Variants in KCNK17 observed in about 807,000 individuals in gnomAD.
KCNK17 encodes potassium channel subfamily K member 17.
KCNK17 carries 27 observed loss-of-function variants against 24.6 expected under a neutral mutation model. The ratio of observed to expected loss-of-function variants is 1.10; its 90% CI spans 0.81 to 1.51. The LOEUF (loss-of-function observed/expected upper bound fraction) is 1.51. KCNK17 is among the 40% of genes most tolerant of loss of function. The pLI, the probability that KCNK17 is intolerant of heterozygous loss-of-function variation, is 0.00. For synonymous variants in KCNK17, 181 were observed against 189.8 expected, an observed-to-expected ratio of 0.95 and a Z score of 0.38; for missense variants, 450 against 436.6, an observed-to-expected ratio of 1.03 and a Z score of -0.27.
At chr6:39,306,812 T>C (rs1762046304) in intron 2 of KCNK17, among the ~76,000 whole-genome samples, 1 of 150,186 alleles carries the variant, frequency 6.7e-6, no homozygotes, top group Non-Finnish European at 1.5e-5. Flanking sequence ...GTGGCCAGGC[T>C]GGAGTGCAGT....
At position 39,304,559 on chromosome 6, in the gene KCNK17, C is replaced by T. The variant is rs779474698; in HGVS notation, c.449G>A (p.Arg150Gln). Residue 150 changes from arginine (R) to glutamine (Q), a missense_variant, in exon 3 of 5, where the codon CGA (arginine) becomes CAA (glutamine). Coordinates refer to ENST00000373231, the MANE Select transcript of KCNK17 (RefSeq NM_031460.4). ...TCCCTGCTGCATGAGATGCCCCAGTCGGTTGAGCACCACGAGGTTGAGTGG... is the reference window on the plus strand; with the variant it reads ...TCCCTGCTGCATGAGATGCCCCAGTTGGTTGAGCACCACGAGGTTGAGTGG... ...GIPLNLVVLNRLGHLMQQGVN... is the reference protein window; with the variant it reads ...GIPLNLVVLNQLGHLMQQGVN... 3.3e-5 allele frequency: 53 copies of T among 1,614,116 alleles called. No individual in the cohort carries two copies. The East Asian group carries it at 7.8e-4, about 24-fold the overall frequency.
Position 39,305,643 on chromosome 6 carries a change from T to TA in KCNK17, c.353-989dup, listed in dbSNP as rs1762022844. 2.0e-5 allele frequency among the ~76,000 whole-genome samples: 3 copies of TA among 152,212 alleles called. No homozygotes were observed. The South Asian group carries it at 6.2e-4, about 31-fold the overall frequency. On this transcript the variant is annotated intron_variant, in intron 2 of 4. Coordinates refer to ENST00000373231, the MANE Select transcript of KCNK17 (RefSeq NM_031460.4). ...GATCACCACCACTGTCTTGTCTTAT[T>TA]AAAATGCAAAACTGATTAGATCATC... is the stretch of plus-strand genomic sequence containing the variant.
intron 2 of KCNK17, among the ~76,000 whole-genome samples, chr6:39,308,286 G>T (rs751794445): frequency 5.9e-5 from 9 of 152,182 alleles, no homozygotes; most frequent in Non-Finnish European, 1.3e-4. Flanking sequence ...GTATGTATGT[G>T]TGTATGTATG....
At chr6:39,302,414 A>G (rs1761963984) in intron 4 of KCNK17, among the ~76,000 whole-genome samples, 1 of 152,136 alleles carries the variant, frequency 6.6e-6, no homozygotes, top group Non-Finnish European at 1.5e-5. Flanking sequence ...ACTATGGGAA[A>G]ACAATGAAGT....
At position 39,299,531 on chromosome 6, in the gene KCNK17, C is replaced by T. The variant is rs1235855545; in HGVS notation, c.895G>A (p.Glu299Lys). 15 of 1,614,190 alleles carry T rather than the reference C, an allele frequency of 9.3e-6. No individual in the cohort carries two copies. The highest frequency in any genetic ancestry group is 1.6e-4 in the Middle Eastern group (1 of 6,062). ...CATCCTTGCTGTGGGGAGTGGGACT[C>T]TGGCTCCCGGTCAGGTCCCTGTCTC... ...SWRQGPDREP[E>K]SHSPQQGCYP... The change falls in exon 5 of 5, where the codon GAG (glutamate) becomes AAG (lysine). Residue 299 changes from glutamate (E) to lysine (K), a missense_variant. Physicochemically the swap from Glu to Lys is moderately conservative, Grantham distance 56. Transcript: ENST00000373231.
chr6:39,310,131 A>G (rs551704671), intron 2 of KCNK17, among the ~76,000 whole-genome samples: 3 of 152,140 alleles, frequency 2.0e-5, no homozygotes, highest in South Asian at 4.1e-4. Context: ...CCTGGTGGCA[A>G]GTCCTGTGTC....
chr6:39,304,800 T>C (rs1762008504), intron 2 of KCNK17, 145 bp from the exon 3 acceptor site: 7 of 831,434 alleles, frequency 8.4e-6, no homozygotes, highest in Non-Finnish European at 1.3e-5. Context: ...AAGGCCCTCC[T>C]TTTCTGTGCT....
At chr6:39,303,611 G>T (rs1761980434) in intron 4 of KCNK17, among the ~76,000 whole-genome samples, 1 of 152,212 alleles carries the variant, frequency 6.6e-6, no homozygotes. Flanking sequence ...CAGCCCCAGA[G>T]AAGTGGGACA....
chr6:39,302,440 G>C (rs1392710433), intron 4 of KCNK17, among the ~76,000 whole-genome samples: 1 of 152,158 alleles, frequency 6.6e-6, no homozygotes, highest in Non-Finnish European at 1.5e-5. Context: ...AGAGGAGCTG[G>C]GCAGGTGACA....
At chr6:39,301,832 G>A (rs1238101607) in intron 4 of KCNK17, among the ~76,000 whole-genome samples, 1 of 152,208 alleles carries the variant, frequency 6.6e-6, no homozygotes, top group African/African-American at 2.4e-5. Context: ...ATGCAGGGAT[G>A]TGAACACCCA....
At chr6:39,311,127 C>A in intron 1 of KCNK17, 120 bp from the exon 2 acceptor site, 2 of 599,394 alleles carry the variant, frequency 3.3e-6, no homozygotes, top group Non-Finnish European at 5.9e-6. Context: ...CACAAACAAA[C>A]CTACACACAC....
At chr6:39,307,354 C>A (rs1225994103) in intron 2 of KCNK17, among the ~76,000 whole-genome samples, 1 of 152,188 alleles carries the variant, frequency 6.6e-6, no homozygotes, top group Non-Finnish European at 1.5e-5. Context: ...TCTACCTCCC[C>A]CTCTGGCCTT....
At position 39,299,373 on chromosome 6, in the gene KCNK17, G is replaced by A; in HGVS notation, c.*54C>T. On this transcript the variant is annotated 3_prime_UTR_variant, in exon 5 of 5. Transcript: ENST00000373231. ...TTTAGTTTGGGTGGACATGTGCAAA[G>A]CTTAAAATCAGGGGTCTTGCTACCG... 2.8e-6 allele frequency: 4 copies of A among 1,412,118 alleles called. No individual in the cohort carries two copies. The highest frequency in any genetic ancestry group is 3.9e-6 in the Non-Finnish European group (4 of 1,022,558). The allele number at this position is 1,412,118 out of a possible 1,614,324, so 87.5% of individuals were successfully genotyped here. A position where few individuals can be genotyped will look rare whatever the true frequency, so the allele number is the denominator to read the frequency against.
At chr6:39,308,763 T>C (rs1562083308) in intron 2 of KCNK17, among the ~76,000 whole-genome samples, 1 of 152,198 alleles carries the variant, frequency 6.6e-6, no homozygotes, top group Non-Finnish European at 1.5e-5. Context: ...CCCAGGGTAA[T>C]GGGTTTGCCG....
At chr6:39,308,508 C>A (rs551988302) in intron 2 of KCNK17, among the ~76,000 whole-genome samples, 1 of 152,352 alleles carries the variant, frequency 6.6e-6, no homozygotes, top group Non-Finnish European at 1.5e-5. Context: ...CCCGGCTGGT[C>A]TCCAACTCCT....
At chr6:39,310,056 G>A (rs1366867193) in intron 2 of KCNK17, among the ~76,000 whole-genome samples, 1 of 152,226 alleles carries the variant, frequency 6.6e-6, no homozygotes, top group Non-Finnish European at 1.5e-5. Context: ...GTCCTGGAGA[G>A]AGGATCCTGG....
At position 39,311,017 on chromosome 6, in the gene KCNK17, A is replaced by C. The variant is rs370997625; in HGVS notation, c.238-10T>G. 13 of 1,578,682 alleles carry C rather than the reference A, an allele frequency of 8.2e-6. No individual in the cohort carries two copies. The highest frequency in any genetic ancestry group is 1.1e-5 in the Non-Finnish European group (13 of 1,154,058). ...ATGCTTGGACGACATCCTGGGGAAGAGGCTGCAATGACCACCAGGCTCTGT... is the reference window on the plus strand; with the variant it reads ...ATGCTTGGACGACATCCTGGGGAAGCGGCTGCAATGACCACCAGGCTCTGT... On this transcript the variant is annotated splice_polypyrimidine_tract_variant and intron_variant, in intron 1 of 4. Transcript: ENST00000373231.
chr6:39,309,773 T>C (rs530878998), intron 2 of KCNK17, among the ~76,000 whole-genome samples: 1 of 152,294 alleles, frequency 6.6e-6, no homozygotes, highest in African/African-American at 2.4e-5. Flanking sequence ...TTCCTTAACG[T>C]GGCAGTATTT....
intron 1 of KCNK17, among the ~76,000 whole-genome samples, chr6:39,311,794 G>C (rs1025059770): frequency 4.7e-4 from 72 of 152,188 alleles, no homozygotes; most frequent in African/African-American, 1.7e-3. Context: ...GCTTCTGGTG[G>C]AAGGATGTTT....
Sources: allele counts gnomAD v4.1 joint callset (sites outside exome capture counted in the v4.1 genomes callset), GRCh38; gene constraint gnomAD v4.1.1; transcripts MANE v1.5; gene names NCBI Gene and HGNC (gene_info 2026-07-23, HGNC 2026-07-21).